KALRN: variants seen among roughly 807,000 people sequenced by gnomAD.
The protein encoded by KALRN is kalirin.
Under a neutral mutation model 353.7 loss-of-function variants are expected in KALRN, and 70 were observed. The observed-to-expected ratio is 0.20, with a 90% CI of 0.16 to 0.24. KALRN has a LOEUF of 0.24. Among genes scored for constraint, KALRN ranks in the 10% least tolerant of loss-of-function variants. The pLI, the probability that KALRN is intolerant of heterozygous loss-of-function variation, is 1.00. For missense variants in KALRN, 2,791 were observed against 3,756.7 expected (o/e 0.74, Z 6.72); for synonymous variants, 1,391 against 1,434.8 (o/e 0.97, Z 0.69).
intron 1 of KALRN, among the ~76,000 whole-genome samples, chr3:124,112,831 G>T (rs1423477619): frequency 1.3e-5 from 2 of 152,110 alleles, no homozygotes; most frequent in African/African-American, 4.8e-5. Flanking sequence ...AGTACAGCTG[G>T]GTTTTGGGGG....
chr3:124,160,514 A>G (rs2069751656), intron 1 of KALRN, among the ~76,000 whole-genome samples: 1 of 152,132 alleles, frequency 6.6e-6, no homozygotes, highest in Non-Finnish European at 1.5e-5. Flanking sequence ...AAGAGAAGGA[A>G]AGGAAGTGTG....
At chr3:124,636,780 A>G (rs759830323) in intron 36 of KALRN, among the ~76,000 whole-genome samples, 1 of 152,104 alleles carries the variant, frequency 6.6e-6, no homozygotes, top group Non-Finnish European at 1.5e-5. Context: ...TTTTTTGGAC[A>G]CACTCAAGGC....
At chr3:124,168,441 T>C (rs1286460266) in intron 1 of KALRN, among the ~76,000 whole-genome samples, 2 of 152,266 alleles carry the variant, frequency 1.3e-5, no homozygotes, top group African/African-American at 2.4e-5. Flanking sequence ...AAAGTTCTCA[T>C]AGAGCAAGCA....
At chr3:124,449,852 CCATGCTATTCG>C (rs6148053) in intron 21 of KALRN, among the ~76,000 whole-genome samples, 57,813 of 151,860 alleles carry the variant, frequency 0.38, 11,824 homozygotes, top group Middle Eastern at 0.5. Flanking sequence ...CAGGATTCAT[CCATGCTATTCG>C]CATGTATCAA....
At chr3:124,659,101 C>T (rs894603225) in intron 42 of KALRN, among the ~76,000 whole-genome samples, 1 of 152,104 alleles carries the variant, frequency 6.6e-6, no homozygotes. Flanking sequence ...CAGCTTTTCT[C>T]CCAGGACTGG....
At chr3:124,227,689 T>A (rs1434213900) in intron 1 of KALRN, among the ~76,000 whole-genome samples, 11 of 71,192 alleles carry the variant, frequency 1.5e-4, no homozygotes, top group Non-Finnish European at 2.9e-4. Context: ...TTTTTTTTTT[T>A]TTTTTTTTTT....
rs1377097482 is a variant in KALRN at position 124,495,957 on chromosome 3, G to GTGTATATATATATATATA, written c.4833-353_4833-352insGTATATATATATATATAT. Among the ~76,000 whole-genome samples, 156 of 44,220 alleles carry GTGTATATATATATATATA rather than the reference G, an allele frequency of 3.5e-3. 6 individuals carry two copies. The highest frequency in any genetic ancestry group is 0.013 in the African/African-American group (148 of 11,470). 29.0% of individuals were successfully genotyped at this position (44,220 alleles called of 152,430 possible). ...GACCCGTTCCCAAGTGTGTGTATGT[G>GTGTATATATATATATATA]TATGTATGTATATATATATATATAT... On this transcript the variant is annotated intron_variant, in intron 32 of 59. Coordinates refer to ENST00000682506, the MANE Select transcript of KALRN (RefSeq NM_001388419.1).
chr3:124,401,657 A>G (rs1351843188), intron 13 of KALRN, among the ~76,000 whole-genome samples: 1 of 152,150 alleles, frequency 6.6e-6, no homozygotes, highest in East Asian at 1.9e-4. Flanking sequence ...GGAGAGAAAA[A>G]TCATGATAGG....
chr3:124,584,850 G>A, intron 34 of KALRN: 1 of 1,607,092 alleles, frequency 6.2e-7, no homozygotes, highest in Non-Finnish European at 8.5e-7. Context: ...GCTTACACCC[G>A]AGGTCCCTCT....
intron 16 of KALRN, 56 bp downstream of exon 16, chr3:124,430,831 A>G: frequency 6.4e-7 from 1 of 1,563,614 alleles, no homozygotes; most frequent in Non-Finnish European, 8.7e-7. Context: ...TCTGTACCTC[A>G]GGCAGGGTGA....
intron 1 of KALRN, among the ~76,000 whole-genome samples, chr3:124,060,943 G>A (rs944500609): frequency 1.3e-5 from 2 of 152,252 alleles, no homozygotes; most frequent in South Asian, 2.1e-4. Context: ...GTAGCTGGAG[G>A]TGGACTCTCA....
intron 33 of KALRN, among the ~76,000 whole-genome samples, chr3:124,521,771 C>T (rs184235620): frequency 1.1e-4 from 16 of 152,238 alleles, no homozygotes; most frequent in South Asian, 1.0e-3. Flanking sequence ...CATGCTGTAG[C>T]GACACTGACT....
At chr3:124,324,023 A>G (rs1255598338) in intron 6 of KALRN, among the ~76,000 whole-genome samples, 1 of 152,188 alleles carries the variant, frequency 6.6e-6, no homozygotes, top group Non-Finnish European at 1.5e-5. Context: ...AGGACCTTCA[A>G]CCAAAGATCA....
intron 58 of KALRN, 92 bp from the exon 59 acceptor site, chr3:124,717,155 G>C: frequency 8.2e-7 from 1 of 1,225,688 alleles, no homozygotes; most frequent in Non-Finnish European, 1.1e-6. Context: ...AAGTATGAGA[G>C]AGTTTAGAGA....
At chr3:124,102,202 CA>C (rs2061927307) in intron 1 of KALRN, among the ~76,000 whole-genome samples, 1 of 152,074 alleles carries the variant, frequency 6.6e-6, no homozygotes, top group African/African-American at 2.4e-5. Flanking sequence ...GCTTTTGGCA[CA>C]AGATCACTTT....
chr3:124,674,745 A>G (rs1479472415), intron 49 of KALRN, 131 bp downstream of exon 49: 2 of 1,051,474 alleles, frequency 1.9e-6, no homozygotes, highest in Non-Finnish European at 2.6e-6. Context: ...GTACCACAGA[A>G]CCAGTGTTTG....
intron 1 of KALRN, among the ~76,000 whole-genome samples, chr3:124,147,944 G>A (rs2067572013): frequency 1.3e-5 from 2 of 152,334 alleles, no homozygotes; most frequent in East Asian, 3.9e-4. Flanking sequence ...TAAAACCTGT[G>A]TACACACATA....
intron 1 of KALRN, among the ~76,000 whole-genome samples, chr3:124,198,333 T>C (rs765478971): frequency 6.6e-6 from 1 of 152,266 alleles, no homozygotes; most frequent in Non-Finnish European, 1.5e-5. Flanking sequence ...TTAAGCCTGA[T>C]TTTTCTCATC....
At chr3:124,649,635 A>AACAAACAAACAC in intron 37 of KALRN, among the ~76,000 whole-genome samples, 1 of 150,934 alleles carries the variant, frequency 6.6e-6, no homozygotes, top group African/African-American at 2.4e-5. Context: ...CAAACAAACA[A>AACAAACAAACAC]AAAAGATTAG....
Sources: gnomAD v4.1 joint callset for allele counts (sites outside exome capture counted in the v4.1 genomes callset) on GRCh38, gnomAD v4.1.1 for gene constraint, MANE v1.5 for transcripts, NCBI Gene and HGNC (gene_info 2026-07-23, HGNC 2026-07-21) for gene names.